The following MYOF variants were observed in gnomAD, a reference collection of about 807,000 sequenced individuals.
The protein encoded by MYOF is myoferlin.
MYOF carries 244 observed loss-of-function variants against 284.2 expected under a neutral mutation model. The ratio of observed to expected loss-of-function variants is 0.86; its 90% CI spans 0.77 to 0.95. The LOEUF is 0.95. Among genes scored for constraint, MYOF ranks in the 40% least tolerant of loss-of-function variants. The pLI is 0.00. For synonymous variants in MYOF, 904 were observed against 919.7 expected (o/e 0.98, Z 0.31); for missense variants, 2,496 against 2,560.6 (o/e 0.97, Z 0.54).
intron 13 of MYOF, among the ~76,000 whole-genome samples, chr10:93,398,996 T>A (rs1655198325): frequency 6.9e-6 from 1 of 145,324 alleles, no homozygotes; most frequent in Non-Finnish European, 1.5e-5. Context: ...GCATGGAAGG[T>A]GAGAAACATG....
At chr10:93,402,183 CCTT>C (rs1232816986) in intron 11 of MYOF, 46 bp downstream of exon 11, 7 of 1,499,060 alleles carry the variant, frequency 4.7e-6, no homozygotes, top group Non-Finnish European at 6.5e-6. Context: ...TAACTCTTGG[CCTT>C]CTTTTTTAGT....
intron 43 of MYOF, among the ~76,000 whole-genome samples, chr10:93,330,583 C>G (rs1215193405): frequency 1.3e-5 from 2 of 152,128 alleles, no homozygotes; most frequent in African/African-American, 4.8e-5. Flanking sequence ...CTATAGAACC[C>G]ATATGAAAAT....
rs183224945 is a variant in MYOF, at chr10:93,479,002, C to T, written c.88+3105G>A. ...ACCATTAACAATCACTTCCCCTGGC[C>T]ATTCTTCACCGTCTTATAGTTTGAG... is the stretch of plus-strand genomic sequence containing the variant. On this transcript the variant is annotated intron_variant, in intron 1 of 53. Coordinates refer to ENST00000359263, the MANE Select transcript of MYOF (RefSeq NM_013451.4). Among the ~76,000 whole-genome samples the T allele has an allele frequency of 3.9e-5, 6 of 152,142 alleles. No individual in the cohort carries two copies. The East Asian group carries it at 1.2e-3, about 29-fold the overall frequency.
chr10:93,311,381 G>A (rs1049999100), intron 51 of MYOF, among the ~76,000 whole-genome samples: 7 of 151,650 alleles, frequency 4.6e-5, no homozygotes, highest in South Asian at 2.1e-4. Flanking sequence ...AGGCTGAGGC[G>A]GGAGGATCAC....
intron 35 of MYOF, among the ~76,000 whole-genome samples, chr10:93,350,431 G>C (rs567020986): frequency 6.6e-6 from 1 of 152,198 alleles, no homozygotes; most frequent in African/African-American, 2.4e-5. Context: ...TCATGTCTCA[G>C]CTTCCCAAGT....
intron 7 of MYOF, among the ~76,000 whole-genome samples, chr10:93,405,402 A>G (rs897953924): frequency 6.6e-6 from 1 of 152,256 alleles, no homozygotes; most frequent in African/African-American, 2.4e-5. Context: ...AAAGGAAGCT[A>G]TATAAAAATA....
At position 93,400,936 on chromosome 10, in the gene MYOF, TC is replaced by T. The variant is rs1042095054; in HGVS notation, c.1117+481del. On this transcript the variant is annotated intron_variant, in intron 12 of 53. Coordinates refer to ENST00000359263, the MANE Select transcript of MYOF (RefSeq NM_013451.4). ...TGCAGTGGTGTGGCTCACGGCAACC[TC>T]CGCCTCCTGGGTTCAAGTGATTCTC... Among the ~76,000 whole-genome samples, 3 of 140,254 alleles carry T rather than the reference TC, an allele frequency of 2.1e-5. No homozygotes were observed. The Admixed American group carries it at 2.3e-4, about 11-fold the overall frequency. 92.0% of individuals were successfully genotyped at this position (140,254 alleles called of 152,430 possible).
At chr10:93,323,695 ACGTGCACACACACACACACGCG>A (rs910408102) in intron 46 of MYOF, 8 of 299,134 alleles carry the variant, frequency 2.7e-5, no homozygotes, top group Admixed American at 9.4e-5. Context: ...AGGCACACGC[ACGTGCACACACACACACACGCG>A]CGTGCGCGCA....
At position 93,337,798 on chromosome 10, in the gene MYOF, A is replaced by G; in HGVS notation, c.4437+17T>C. ...AGGATGTTGATTCTCCACCCATAGC[A>G]GCATAGATCCAGGTACCTTGAGCTT... On this transcript the variant is annotated intron_variant, in intron 40 of 53. Coordinates refer to ENST00000359263, the MANE Select transcript of MYOF (RefSeq NM_013451.4). The G allele has an allele frequency of 6.2e-7, 1 of 1,601,328 alleles. No homozygotes were observed. Among genetic ancestry groups the G allele is most frequent in the Non-Finnish European group, 8.6e-7 (1 of 1,168,728 alleles).
intron 5 of MYOF, among the ~76,000 whole-genome samples, chr10:93,416,257 G>T (rs190349961): frequency 4.6e-5 from 7 of 152,286 alleles, no homozygotes; most frequent in Non-Finnish European, 1.0e-4. Flanking sequence ...CGTGGCTCAT[G>T]CCTGTAATCC....
chr10:93,325,345 G>T (rs539500248), intron 46 of MYOF, among the ~76,000 whole-genome samples: 1 of 152,254 alleles, frequency 6.6e-6, no homozygotes, highest in South Asian at 2.1e-4. Context: ...GTCTCAGATG[G>T]CACCTCCTGA....
chr10:93,402,411 C>A, intron 10 of MYOF, 64 bp from the exon 11 acceptor site: 2 of 1,285,946 alleles, frequency 1.6e-6, no homozygotes, highest in South Asian at 2.4e-5. Context: ...GTCTGTGATT[C>A]CTCTGCCATA....
chr10:93,412,797 A>G (rs1056845899), intron 5 of MYOF, among the ~76,000 whole-genome samples: 3 of 152,178 alleles, frequency 2.0e-5, no homozygotes, highest in Non-Finnish European at 4.4e-5. Context: ...GTGCCTTCAC[A>G]TTTGGAAAAA....
chr10:93,373,104 T>C lies in MYOF; in HGVS notation c.2302-19A>G, dbSNP rs764273395. The C allele has an allele frequency of 1.9e-6, 3 of 1,614,012 alleles. No individual in the cohort carries two copies. The highest frequency in any genetic ancestry group is 1.1e-5 in the South Asian group (1 of 91,076). On this transcript the variant is annotated intron_variant, in intron 23 of 53. Transcript: ENST00000359263. Reference sequence around the variant, plus strand: ...TCTGTGGCTGGTCATGAGGATTGGATGGAAGAGGAAGCACAGCCATGGTTA... The same window carrying C: ...TCTGTGGCTGGTCATGAGGATTGGACGGAAGAGGAAGCACAGCCATGGTTA...
At chr10:93,320,718 G>A (rs1013489628) in intron 48 of MYOF, among the ~76,000 whole-genome samples, 3 of 152,112 alleles carry the variant, frequency 2.0e-5, no homozygotes, top group Non-Finnish European at 4.4e-5. Flanking sequence ...GAAAGAAGTT[G>A]TTGCTACTGG....
chr10:93,380,126 G>T (rs1564666395), intron 20 of MYOF, 139 bp from the exon 21 acceptor site: 11 of 1,102,834 alleles, frequency 1.0e-5, no homozygotes, highest in Non-Finnish European at 1.2e-5. Flanking sequence ...TCTTTAATTT[G>T]ACTCAATTAA....
At chr10:93,377,974 C>T (rs1845915221) in intron 21 of MYOF, among the ~76,000 whole-genome samples, 1 of 152,162 alleles carries the variant, frequency 6.6e-6, no homozygotes, top group Non-Finnish European at 1.5e-5. Flanking sequence ...AATAGACATA[C>T]ATGTGTCTGT....
At chr10:93,447,371 T>A (rs1199569465) in intron 3 of MYOF, among the ~76,000 whole-genome samples, 1 of 152,114 alleles carries the variant, frequency 6.6e-6, no homozygotes, top group Non-Finnish European at 1.5e-5. Context: ...CACTTACCGA[T>A]AAGACATTGA....
intron 50 of MYOF, among the ~76,000 whole-genome samples, chr10:93,315,837 G>A (rs928642204): frequency 1.3e-5 from 2 of 152,058 alleles, no homozygotes. Flanking sequence ...CAAAAAGTGG[G>A]AGGCTGGGCG....
Sources: allele counts gnomAD v4.1 joint callset (sites outside exome capture counted in the v4.1 genomes callset), GRCh38; gene constraint gnomAD v4.1.1; transcripts MANE v1.5; gene names NCBI Gene and HGNC (gene_info 2026-07-23, HGNC 2026-07-21).